HNF4G: variants seen among roughly 807,000 people sequenced by gnomAD.
HNF4G encodes the protein hepatocyte nuclear factor 4 gamma.
In HNF4G, 21 loss-of-function variants were observed where a neutral mutation model predicts 50.9. The ratio of observed to expected loss-of-function variants is 0.41; its 90% confidence interval spans 0.29 to 0.59. The LOEUF is 0.59. Ranked by LOEUF, HNF4G falls within the 20% of genes least tolerant of loss-of-function variation. The probability of loss-of-function intolerance (pLI) is 0.26; values close to 1 mark genes in which losing one functional copy is unlikely to be tolerated. For missense variants in HNF4G, 527 were observed against 559.4 expected, an observed-to-expected ratio of 0.94 and a Z score of 0.58; for synonymous variants, 198 against 185.6, an observed-to-expected ratio of 1.07 and a Z score of -0.54.
At chr8:75,521,568 G>A (rs1258890260) in intron 2 of HNF4G, among the ~76,000 whole-genome samples, 1 of 152,130 alleles carries the variant, frequency 6.6e-6, no homozygotes. Flanking sequence ...GTGTGTGGAT[G>A]TTCTAATAGT....
chr8:75,441,409 C>A (rs1427845819), intron 1 of HNF4G, among the ~76,000 whole-genome samples: 1 of 152,002 alleles, frequency 6.6e-6, no homozygotes, highest in African/African-American at 2.4e-5. Context: ...CCACACCCGG[C>A]TAATATTTGT....
intron 2 of HNF4G, among the ~76,000 whole-genome samples, chr8:75,518,551 A>G (rs1356590820): frequency 6.6e-6 from 1 of 152,144 alleles, no homozygotes; most frequent in Non-Finnish European, 1.5e-5. Flanking sequence ...TTGCGGCACT[A>G]AACCTCAATT....
At chr8:75,413,909 G>A (rs576536828) in intron 1 of HNF4G, among the ~76,000 whole-genome samples, 2 of 152,184 alleles carry the variant, frequency 1.3e-5, no homozygotes, top group East Asian at 1.9e-4. Flanking sequence ...AAGTATAATT[G>A]TTGAGTCCTG....
intron 1 of HNF4G, among the ~76,000 whole-genome samples, chr8:75,457,938 T>G (rs966744532): frequency 6.6e-6 from 1 of 152,058 alleles, no homozygotes; most frequent in African/African-American, 2.4e-5. Context: ...AAGATACCAA[T>G]TTTGAGGAAA....
At chr8:75,496,220 G>A (rs748841294) in intron 2 of HNF4G, among the ~76,000 whole-genome samples, 28 of 152,176 alleles carry the variant, frequency 1.8e-4, no homozygotes, top group Admixed American at 1.1e-3. Context: ...AAAATTTACC[G>A]TAAAATGTAC....
At chr8:75,458,368 ACTT>A (rs1811771440) in intron 1 of HNF4G, among the ~76,000 whole-genome samples, 1 of 124,664 alleles carries the variant, frequency 8.0e-6, no homozygotes, top group Admixed American at 8.0e-5. Context: ...TAATGGTCTA[ACTT>A]TTTTTTTTTT....
At chr8:75,547,094 C>G (rs1295382898) in intron 2 of HNF4G, among the ~76,000 whole-genome samples, 1 of 152,116 alleles carries the variant, frequency 6.6e-6, no homozygotes, top group African/African-American at 2.4e-5. Context: ...ACTGTACTCT[C>G]AATGTTGTCC....
At chr8:75,451,073 T>C (rs1224309426) in intron 1 of HNF4G, among the ~76,000 whole-genome samples, 5 of 152,208 alleles carry the variant, frequency 3.3e-5, no homozygotes, top group Non-Finnish European at 7.4e-5. Flanking sequence ...CAAAACAGAC[T>C]GAGACAATTA....
At chr8:75,459,680 G>T (rs1319698294) in intron 1 of HNF4G, among the ~76,000 whole-genome samples, 2 of 152,096 alleles carry the variant, frequency 1.3e-5, no homozygotes. Flanking sequence ...CATTCTAGAA[G>T]TGTTCATTCA....
intron 5 of HNF4G, among the ~76,000 whole-genome samples, chr8:75,555,176 GATCACTT>G (rs1807076820): frequency 6.6e-6 from 1 of 152,126 alleles, no homozygotes; most frequent in South Asian, 2.1e-4. Flanking sequence ...AAAAGAAGTG[GATCACTT>G]TGGCTTGTAT....
intron 1 of HNF4G, among the ~76,000 whole-genome samples, chr8:75,449,020 A>G (rs1413142373): frequency 6.6e-6 from 1 of 152,230 alleles, no homozygotes; most frequent in East Asian, 1.9e-4. Context: ...GGGGGGGTAT[A>G]GCAGTTAGAA....
chr8:75,426,988 A>G (rs538135624), intron 1 of HNF4G, among the ~76,000 whole-genome samples: 1 of 152,274 alleles, frequency 6.6e-6, no homozygotes, highest in East Asian at 1.9e-4. Flanking sequence ...AAATCTGTGT[A>G]TTCTTTTTGG....
intron 5 of HNF4G, among the ~76,000 whole-genome samples, chr8:75,553,860 C>T (rs185535967): frequency 0.011 from 1,649 of 152,052 alleles, 15 homozygotes; most frequent in Middle Eastern, 0.037. Flanking sequence ...GTCATATGCC[C>T]ATTAGGATAT....
intron 2 of HNF4G, among the ~76,000 whole-genome samples, chr8:75,524,060 C>A (rs1463649095): frequency 6.6e-6 from 1 of 151,888 alleles, no homozygotes; most frequent in African/African-American, 2.4e-5. Context: ...ACAGATTATC[C>A]ACCTATAGCT....
At chr8:75,535,644 A>G (rs961295228), upstream of HNF4G, among the ~76,000 whole-genome samples, 1 of 151,914 alleles carries the variant, frequency 6.6e-6, no homozygotes, top group African/African-American at 2.4e-5. Flanking sequence ...AATAAGTTTA[A>G]AAAACAAATT....
chr8:75,481,152 C>T lies in HNF4G; in HGVS notation c.-143-8937C>T, dbSNP rs1435476203. ...TTGTATTTTATCCATTAGCTTCATG[C>T]TTGGAATTTATTTAGATAATTCCAT... On this transcript the variant is annotated intron_variant, in intron 1 of 10. Coordinates refer to the HNF4G transcript ENST00000354370. Among the ~76,000 whole-genome samples, 4 of 152,186 alleles carry T rather than the reference C, an allele frequency of 2.6e-5. No individual in the cohort carries two copies. In the South Asian group the frequency reaches 6.2e-4, roughly 24 times the overall value.
chr8:75,544,535 A>ATTG (rs1806716871), intron 2 of HNF4G, among the ~76,000 whole-genome samples: 1 of 152,142 alleles, frequency 6.6e-6, no homozygotes, highest in Non-Finnish European at 1.5e-5. Flanking sequence ...TCAGTCCTAA[A>ATTG]ATTTAGAATG....
chr8:75,518,139 T>A (rs1317635881), intron 2 of HNF4G, among the ~76,000 whole-genome samples: 1 of 40,044 alleles, frequency 2.5e-5, no homozygotes, highest in Non-Finnish European at 4.6e-5. Flanking sequence ...CCCTCCCCCC[T>A]CCCCCCACCC....
At chr8:75,469,735 A>T (rs1320214650) in intron 1 of HNF4G, among the ~76,000 whole-genome samples, 1 of 151,892 alleles carries the variant, frequency 6.6e-6, no homozygotes, top group Non-Finnish European at 1.5e-5. Flanking sequence ...TCATCATCAA[A>T]TCTCCCCAGG....
Sources: gnomAD v4.1 joint callset for allele counts (sites outside exome capture counted in the v4.1 genomes callset) on GRCh38, gnomAD v4.1.1 for gene constraint, MANE v1.5 for transcripts, NCBI Gene and HGNC (gene_info 2026-07-23, HGNC 2026-07-21) for gene names.